Variants in LPP observed in about 807,000 individuals in gnomAD.
LPP encodes the protein LIM domain containing preferred translocation partner in lipoma.
LPP carries 38 observed loss-of-function variants against 60.4 expected under a neutral mutation model. The observed-to-expected ratio is 0.63, with a 90% CI of 0.49 to 0.83. The LOEUF (loss-of-function observed/expected upper bound fraction) is 0.83. LPP is among the 40% of genes least tolerant of loss of function. The pLI is 0.00. For missense variants in LPP, 902 were observed against 783.6 expected (o/e 1.15, Z -1.80); for synonymous variants, 328 against 290.8 (o/e 1.13, Z -1.30).
chr3:188,524,928 CT>C, intron 6 of LPP, 141 bp downstream of exon 6: 1 of 659,784 alleles, frequency 1.5e-6, no homozygotes, highest in Non-Finnish European at 2.4e-6. Flanking sequence ...TCCTTCCTTC[CT>C]TCCTTCCTTC....
At chr3:188,286,205 C>G (rs1051633013) in intron 2 of LPP, among the ~76,000 whole-genome samples, 10 of 152,126 alleles carry the variant, frequency 6.6e-5, no homozygotes, top group African/African-American at 2.4e-4. Flanking sequence ...GTCATACTTT[C>G]TGGAAACTCT....
At chr3:188,652,021 G>A (rs962748407) in intron 7 of LPP, among the ~76,000 whole-genome samples, 2 of 152,236 alleles carry the variant, frequency 1.3e-5, no homozygotes, top group African/African-American at 4.8e-5. Flanking sequence ...AGTGGTAAAA[G>A]TTACCTGACC....
chr3:188,674,148 A>G (rs1560045636), intron 7 of LPP, among the ~76,000 whole-genome samples: 1 of 152,002 alleles, frequency 6.6e-6, no homozygotes, highest in African/African-American at 2.4e-5. Context: ...CACATTCTGA[A>G]CTAGTTATAC....
chr3:188,672,229 G>C, intron 7 of LPP, among the ~76,000 whole-genome samples: 1 of 151,578 alleles, frequency 6.6e-6, no homozygotes, highest in Non-Finnish European at 1.5e-5. Flanking sequence ...AAGGCAGTTT[G>C]TTTCCCAAAT....
chr3:188,561,475 C>G (rs924925795), intron 6 of LPP, among the ~76,000 whole-genome samples: 5 of 152,044 alleles, frequency 3.3e-5, no homozygotes, highest in African/African-American at 9.7e-5. Flanking sequence ...GTACACATCC[C>G]TGTCATTTCT....
At chr3:188,639,186 G>A (rs1849513349) in intron 7 of LPP, among the ~76,000 whole-genome samples, 1 of 152,104 alleles carries the variant, frequency 6.6e-6, no homozygotes, top group African/African-American at 2.4e-5. Flanking sequence ...CAATGGAACA[G>A]AACAGAGTCC....
At chr3:188,760,054 G>A in intron 8 of LPP, 59 bp from the exon 9 acceptor site, 2 of 1,507,006 alleles carry the variant, frequency 1.3e-6, no homozygotes, top group Non-Finnish European at 1.8e-6. Flanking sequence ...CCTCCACTTT[G>A]GCTTTAGCAG....
chr3:188,852,753 T>A (rs1233460559), intron 9 of LPP, among the ~76,000 whole-genome samples: 1 of 152,174 alleles, frequency 6.6e-6, no homozygotes, highest in African/African-American at 2.4e-5. Flanking sequence ...ACACAGTCAG[T>A]GGTATTGTAT....
intron 3 of LPP, among the ~76,000 whole-genome samples, chr3:188,393,727 A>G (rs1346001759): frequency 1.3e-5 from 2 of 152,206 alleles, no homozygotes; most frequent in Non-Finnish European, 2.9e-5. Context: ...CATGGGTTTA[A>G]GTTTACCTTC....
At chr3:188,308,732 T>C (rs867189891) in intron 2 of LPP, among the ~76,000 whole-genome samples, 3 of 152,192 alleles carry the variant, frequency 2.0e-5, no homozygotes, top group Admixed American at 1.3e-4. Flanking sequence ...AGAGAGTAGA[T>C]AGAGCCTTGT....
intron 9 of LPP, among the ~76,000 whole-genome samples, chr3:188,841,179 C>T (rs1290351454): frequency 1.3e-5 from 2 of 151,932 alleles, no homozygotes. Flanking sequence ...CGTGGAAGAC[C>T]CCTTAGAAAA....
intron 4 of LPP, among the ~76,000 whole-genome samples, chr3:188,419,873 G>C (rs1787317703): frequency 2.0e-5 from 3 of 152,096 alleles, no homozygotes; most frequent in African/African-American, 7.2e-5. Flanking sequence ...GTCAGAGTAA[G>C]ACTCCATCTC....
At chr3:188,340,628 G>A (rs4547689) in intron 2 of LPP, among the ~76,000 whole-genome samples, 8,991 of 152,012 alleles carry the variant, frequency 0.059, 699 homozygotes, top group African/African-American at 0.18. Flanking sequence ...GCATGATTAT[G>A]GGCACAAAGT....
At chr3:188,796,262 G>T (rs543655364) in intron 9 of LPP, among the ~76,000 whole-genome samples, 2 of 152,184 alleles carry the variant, frequency 1.3e-5, no homozygotes, top group African/African-American at 4.8e-5. Flanking sequence ...AGTGCAGCAC[G>T]CTGATTTGAG....
intron 2 of LPP, among the ~76,000 whole-genome samples, chr3:188,258,394 T>C (rs1367936554): frequency 6.6e-6 from 1 of 152,182 alleles, no homozygotes; most frequent in Admixed American, 6.5e-5. Context: ...ATGATTATGG[T>C]TCACTGTAGC....
At chr3:188,229,909 A>G (rs1028442065) in intron 2 of LPP, among the ~76,000 whole-genome samples, 17 of 152,096 alleles carry the variant, frequency 1.1e-4, no homozygotes, top group African/African-American at 3.6e-4. Flanking sequence ...TTGTGGCCAA[A>G]TATTTACACC....
At chr3:188,847,040 G>A (rs1186475068) in intron 9 of LPP, among the ~76,000 whole-genome samples, 2 of 152,122 alleles carry the variant, frequency 1.3e-5, no homozygotes, top group East Asian at 3.8e-4. Context: ...TAAACTAGTT[G>A]CAAACATTTA....
chr3:188,649,023 GT>G (rs1193254868), intron 7 of LPP, among the ~76,000 whole-genome samples: 1 of 152,184 alleles, frequency 6.6e-6, no homozygotes, highest in Non-Finnish European at 1.5e-5. Context: ...GCTACAAAAT[GT>G]TTTTATCACT....
chr3:188,875,503 C>T lies in LPP; in HGVS notation c.*1024C>T. The T allele has an allele frequency of 4.7e-6, 1 of 214,486 alleles. No homozygotes were observed. Among genetic ancestry groups the T allele is most frequent in the Non-Finnish European group, 9.4e-6 (1 of 106,120 alleles). The allele number at this position is 214,486 out of a possible 1,614,324, so 13.3% of individuals were successfully genotyped here. On this transcript the variant is annotated 3_prime_UTR_variant, in exon 12 of 12. Transcript: ENST00000617246. ...CTTTTTTATTACCAGGTCCATTTTG[C>T]CTGACAATTGCAAATCAGAGCATAC...
Sources: gnomAD v4.1 joint callset for allele counts (sites outside exome capture counted in the v4.1 genomes callset) on GRCh38, gnomAD v4.1.1 for gene constraint, MANE v1.5 for transcripts, NCBI Gene and HGNC (gene_info 2026-07-23, HGNC 2026-07-21) for gene names.